Variants in GPATCH3 observed in about 807,000 individuals in gnomAD.
GPATCH3 encodes the protein G patch domain-containing protein 3.
In GPATCH3, 45 loss-of-function variants were observed where a neutral mutation model predicts 53.2. That is an observed-to-expected ratio of 0.85 (90% CI 0.67 to 1.08). The LOEUF is 1.08. Among genes scored for constraint, GPATCH3 ranks in the 50% least tolerant of loss-of-function variants. GPATCH3 has a pLI of 0.00. For missense variants in GPATCH3, 680 were observed against 687.2 expected (o/e 0.99, Z 0.12); for synonymous variants, 280 against 270.6 (o/e 1.03, Z -0.34).
At position 26,899,805 on chromosome 1, in the gene GPATCH3, C is replaced by T. The variant is rs2081966854; in HGVS notation, c.451+187G>A. On this transcript the variant is annotated intron_variant, in intron 1 of 6. Coordinates refer to ENST00000361720, the MANE Select transcript of GPATCH3 (RefSeq NM_022078.3). ...CAAAATGAAGGCTCTTCCGAATAAG[C>T]CTCTCCGGTTTATTTTTCTCCATGT... 2.0e-5 allele frequency among the ~76,000 whole-genome samples: 3 copies of T among 152,196 alleles called. No homozygotes were observed. In the South Asian group the frequency reaches 6.2e-4, roughly 31 times the overall value.
chr1:26,891,177 T>A lies in GPATCH3; in HGVS notation c.1411A>T (p.Arg471Ter). Reference sequence around the variant, plus strand: ...GTGGAGATGAGCCCCAAGCCATTTCTACGGGGCCTCTTCAGTTGCCCAAAT... The same window carrying A: ...GTGGAGATGAGCCCCAAGCCATTTCAACGGGGCCTCTTCAGTTGCCCAAAT... The part of the protein sequence containing the change: ...QPFGQLKRPR[R>*]NGLGLISTIY... The change falls in exon 7 of 7, where the codon AGA becomes TGA. Residue 471 changes from arginine (R) to a stop codon, truncating the protein, a stop_gained. Transcript: ENST00000361720. LOFTEE classifies it high-confidence loss of function. The A allele has an allele frequency of 6.2e-7, 1 of 1,613,998 alleles. No individual in the cohort carries two copies. Among genetic ancestry groups the A allele is most frequent in the Non-Finnish European group, 8.5e-7 (1 of 1,179,948 alleles).
intron 3 of GPATCH3, 119 bp downstream of exon 3, chr1:26,894,117 C>T: frequency 1.1e-6 from 1 of 949,596 alleles, no homozygotes. Flanking sequence ...CAATAGAGGT[C>T]AGCCTGTTCC....
chr1:26,899,989 T>A lies in GPATCH3; in HGVS notation c.451+3A>T. 1 of 1,613,986 alleles carries A rather than the reference T, an allele frequency of 6.2e-7. No individual in the cohort carries two copies. Among genetic ancestry groups the A allele is most frequent in the Non-Finnish European group, 8.5e-7 (1 of 1,179,928 alleles). ...CCCAGTCTATTAACTTTCTCACTCT[T>A]ACCTGATGCCTCCGTAGGTAGCCGA... is the stretch of plus-strand genomic sequence containing the variant. On this transcript the variant is annotated splice_donor_region_variant and intron_variant, in intron 1 of 6. Coordinates refer to ENST00000361720, the MANE Select transcript of GPATCH3 (RefSeq NM_022078.3).
At chr1:26,895,612 G>A (rs2081947740) in intron 2 of GPATCH3, among the ~76,000 whole-genome samples, 1 of 151,018 alleles carries the variant, frequency 6.6e-6, no homozygotes, top group Non-Finnish European at 1.5e-5. Context: ...TAGGGATGTG[G>A]TCCAGATGTC....
At position 26,894,787 on chromosome 1, in the gene GPATCH3, A is replaced by G. The variant is rs561667482; in HGVS notation, c.877-377T>C. Reference sequence around the variant, plus strand: ...TCTCATACCAGTCTCTGAACTCCCAATGCTAATCAGTACACACTGGTTAGG... The same window carrying G: ...TCTCATACCAGTCTCTGAACTCCCAGTGCTAATCAGTACACACTGGTTAGG... On this transcript the variant is annotated intron_variant, in intron 2 of 6. Coordinates refer to ENST00000361720, the MANE Select transcript of GPATCH3 (RefSeq NM_022078.3). 3.9e-5 allele frequency among the ~76,000 whole-genome samples: 6 copies of G among 152,154 alleles called. No individual in the cohort carries two copies. In the East Asian group the frequency reaches 5.8e-4, roughly 15 times the overall value.
At chr1:26,899,601 G>A (rs1003733159) in intron 1 of GPATCH3, among the ~76,000 whole-genome samples, 2 of 152,312 alleles carry the variant, frequency 1.3e-5, no homozygotes, top group South Asian at 4.1e-4. Context: ...GAAAGTGGGA[G>A]CTGTCCAGAG....
intron 2 of GPATCH3, among the ~76,000 whole-genome samples, chr1:26,894,906 C>A (rs934149725): frequency 1.3e-5 from 2 of 152,190 alleles, no homozygotes; most frequent in African/African-American, 4.8e-5. Flanking sequence ...CCTTTAACCA[C>A]TGCAACAACC....
intron 1 of GPATCH3, among the ~76,000 whole-genome samples, chr1:26,898,723 G>A (rs560534310): frequency 6.7e-6 from 1 of 149,900 alleles, no homozygotes; most frequent in South Asian, 2.1e-4. Flanking sequence ...CTGGAGTACA[G>A]TGGCGCGATC....
chr1:26,900,352 T>A lies in GPATCH3; in HGVS notation c.91A>T (p.Ser31Cys). The change falls in exon 1 of 7, where the codon AGC (serine) becomes TGC (cysteine). Residue 31 changes from serine to cysteine, a missense_variant. Transcript: ENST00000361720. ...PSVLRSAHLR[S>C]YFSQFREERG... Reference sequence around the variant, plus strand: ...TCTTCTCGGAACTGGCTAAAATAGCTCCGTAAATGGGCCGAGCGCAACACG... The same window carrying A: ...TCTTCTCGGAACTGGCTAAAATAGCACCGTAAATGGGCCGAGCGCAACACG... 7 of 1,613,874 alleles carry A rather than the reference T, an allele frequency of 4.3e-6. No individual in the cohort carries two copies. The South Asian group carries it at 6.6e-5, about 15-fold the overall frequency.
rs771834844 is a variant in GPATCH3 at position 26,890,879 on chromosome 1, A to G, written c.*131T>C. ...TGAGGTATAGAACCGGCAGGCAGGC[A>G]GGCTCGGAACAAAACACCCTGAACC... On this transcript the variant is annotated 3_prime_UTR_variant, in exon 7 of 7. Transcript: ENST00000361720. The G allele has an allele frequency of 3.4e-6, 3 of 892,642 alleles. No individual in the cohort carries two copies. The highest frequency in any genetic ancestry group is 5.7e-6 in the Non-Finnish European group (3 of 523,074). The allele number at this position is 892,642 out of a possible 1,614,324, so 55.3% of individuals were successfully genotyped here. A position where few individuals can be genotyped will look rare whatever the true frequency, so the allele number is the denominator to read the frequency against.
chr1:26,894,507 G>T, intron 2 of GPATCH3, 97 bp from the exon 3 acceptor site: 1 of 1,147,878 alleles, frequency 8.7e-7, no homozygotes, highest in Non-Finnish European at 1.3e-6. Context: ...GCTAGCCTCA[G>T]CGCCATTCCT....
chr1:26,895,809 T>C (rs1451304691), intron 2 of GPATCH3, among the ~76,000 whole-genome samples: 5 of 152,106 alleles, frequency 3.3e-5, no homozygotes, highest in Non-Finnish European at 5.9e-5. Context: ...TTTGTATTTT[T>C]AGTAAAGGTG....
chr1:26,891,347 T>C, intron 6 of GPATCH3, 121 bp from the exon 7 acceptor site: 1 of 719,898 alleles, frequency 1.4e-6, no homozygotes, highest in Non-Finnish European at 2.3e-6. Flanking sequence ...GCTTTAAATC[T>C]GGGTCTTTGT....
At position 26,891,200 on chromosome 1, in the gene GPATCH3, A is replaced by G; in HGVS notation, c.1388T>C (p.Phe463Ser). ...LGYHGEKLQP[F>S]GQLKRPRRNG... ...TCTACGGGGCCTCTTCAGTTGCCCA[A>G]ATGGCTGTAGCTTCTCTCCATGGTA... Residue 463 changes from phenylalanine (F) to serine (S), a missense_variant, in exon 7 of 7, where the codon TTT becomes TCT. Coordinates refer to ENST00000361720, the MANE Select transcript of GPATCH3 (RefSeq NM_022078.3). 1 of 1,613,628 alleles carries G rather than the reference A, an allele frequency of 6.2e-7. No individual in the cohort carries two copies.
At chr1:26,893,023 A>G (rs2081935610) in intron 4 of GPATCH3, 1 of 580,322 alleles carries the variant, frequency 1.7e-6, no homozygotes, top group African/African-American at 1.9e-5. Context: ...AGAGAGGATT[A>G]GAACCCAGGT....
At position 26,897,526 on chromosome 1, in the gene GPATCH3, G is replaced by A. The variant is rs1245951960; in HGVS notation, c.651C>T (p.Thr217=). The change falls in exon 2 of 7, where the codon ACC becomes ACT. Residue 217 remains threonine, a synonymous_variant. Coordinates refer to ENST00000361720, the MANE Select transcript of GPATCH3 (RefSeq NM_022078.3). ...TCTTGGGGAACTGGAGCTGCAGCTG[G>A]GTGATGATCCGAGGGGGTAGGCGGC... ...RACRLPPRII[T]QLQLQFPKTG... is the part of the protein sequence containing the mutation. 17 of 1,614,216 alleles carry A rather than the reference G, an allele frequency of 1.1e-5. No individual in the cohort carries two copies. The highest frequency in any genetic ancestry group is 1.4e-5 in the Non-Finnish European group (16 of 1,180,042).
intron 3 of GPATCH3, 85 bp downstream of exon 3, chr1:26,894,151 A>C (rs2081940602): frequency 8.8e-6 from 12 of 1,371,306 alleles, no homozygotes; most frequent in Non-Finnish European, 1.2e-5. Flanking sequence ...TGGGCTCACC[A>C]CTACAGAATC....
Position 26,898,689 on chromosome 1 carries a change from T to C in GPATCH3, c.452-964A>G, listed in dbSNP as rs540597923. ...TTTTCTTCTTTTTTTTTTTTTGAGATGGGGTCTCGTTCTGTCACCCAGGCT... is the reference window on the plus strand; with the variant it reads ...TTTTCTTCTTTTTTTTTTTTTGAGACGGGGTCTCGTTCTGTCACCCAGGCT... On this transcript the variant is annotated intron_variant, in intron 1 of 6. Transcript: ENST00000361720. Among the ~76,000 whole-genome samples, 7 of 151,018 alleles carry C rather than the reference T, an allele frequency of 4.6e-5. No individual in the cohort carries two copies. In the East Asian group the frequency reaches 1.2e-3, roughly 25 times the overall value.
At position 26,897,705 on chromosome 1, in the gene GPATCH3, T is replaced by C. The variant is rs1318920390; in HGVS notation, c.472A>G (p.Lys158Glu). ...EASGLGSFPF[K>E]TRKELQSWKA... ...CAACTCTGCAGTTCCTTCCGGGTCTTGAAGGGAAAGGAGCCCAGACCTTGG... is the reference window on the plus strand; with the variant it reads ...CAACTCTGCAGTTCCTTCCGGGTCTCGAAGGGAAAGGAGCCCAGACCTTGG... Residue 158 changes from lysine (K) to glutamate (E), a missense_variant, in exon 2 of 7, where the codon AAG becomes GAG. Lys to Glu is a moderately conservative substitution (Grantham distance 56). Coordinates refer to ENST00000361720, the MANE Select transcript of GPATCH3 (RefSeq NM_022078.3). The C allele has an allele frequency of 2.5e-6, 4 of 1,612,418 alleles. No individual in the cohort carries two copies. Among genetic ancestry groups the C allele is most frequent in the Non-Finnish European group, 3.4e-6 (4 of 1,179,136 alleles).
Sources: gnomAD v4.1 joint callset for allele counts (sites outside exome capture counted in the v4.1 genomes callset) on GRCh38, gnomAD v4.1.1 for gene constraint, MANE v1.5 for transcripts, NCBI Gene and HGNC (gene_info 2026-07-23, HGNC 2026-07-21) for gene names.